Variants in ROCK2 observed in about 807,000 individuals in gnomAD.
ROCK2 encodes the protein Rho associated coiled-coil containing protein kinase 2, also known as rho-associated protein kinase 2.
A neutral mutation model predicts 195.1 loss-of-function variants in ROCK2; 61 were observed. The observed-to-expected ratio is 0.31, with a 90% CI of 0.25 to 0.39. The LOEUF is 0.39. Among genes scored for constraint, ROCK2 ranks in the 10% least tolerant of loss-of-function variants. The probability of loss-of-function intolerance (pLI) is 1.00; values close to 1 mark genes in which losing one functional copy is unlikely to be tolerated. For synonymous variants in ROCK2, 504 were observed against 545.5 expected, an observed-to-expected ratio of 0.92 and a Z score of 1.06; for missense variants, 1,109 against 1,637.4, an observed-to-expected ratio of 0.68 and a Z score of 5.57.
At chr2:11,317,612 A>ATATATTTTTTTT (rs59701503) in intron 1 of ROCK2, among the ~76,000 whole-genome samples, 1 of 19,312 alleles carries the variant, frequency 5.2e-5, no homozygotes, top group Non-Finnish European at 1.0e-4. Flanking sequence ...ATATATATAT[A>ATATATTTTTTTT]TTTTTTTTTT....
intron 1 of ROCK2, among the ~76,000 whole-genome samples, chr2:11,309,450 T>C (rs1667965044): frequency 6.6e-6 from 1 of 152,298 alleles, no homozygotes; most frequent in Non-Finnish European, 1.5e-5. Flanking sequence ...TAATTGAGCT[T>C]ATACACGACT....
chr2:11,308,178 A>G, intron 1 of ROCK2: 1 of 1,596,040 alleles, frequency 6.3e-7, no homozygotes, highest in South Asian at 1.1e-5. Flanking sequence ...TCAACACAAT[A>G]ATTCTGAATT....
intron 1 of ROCK2, among the ~76,000 whole-genome samples, chr2:11,340,535 C>CT (rs1669070624): frequency 6.6e-6 from 1 of 151,986 alleles, no homozygotes; most frequent in African/African-American, 2.4e-5. Flanking sequence ...AAATTTTACA[C>CT]TATAAATGCC....
chr2:11,225,218 T>C (rs1264709295), intron 6 of ROCK2, among the ~76,000 whole-genome samples: 2 of 152,170 alleles, frequency 1.3e-5, no homozygotes, highest in Non-Finnish European at 2.9e-5. Flanking sequence ...AGTATAAAGA[T>C]GGAAAATGTT....
intron 9 of ROCK2, among the ~76,000 whole-genome samples, chr2:11,220,851 C>T (rs771886879): frequency 6.6e-6 from 1 of 152,178 alleles, no homozygotes; most frequent in Non-Finnish European, 1.5e-5. Flanking sequence ...TGAACCATCC[C>T]AGATTCTCTC....
intron 32 of ROCK2, among the ~76,000 whole-genome samples, chr2:11,191,717 G>GA (rs150190806): frequency 0.018 from 2,764 of 152,180 alleles, 56 homozygotes; most frequent in Non-Finnish European, 0.025. Context: ...CAGGTTCTTG[G>GA]AAAGTATGAC....
rs541974249 is a variant in ROCK2, at chr2:11,335,638, C to G, written c.141+8358G>C. Among the ~76,000 whole-genome samples, 12 of 152,144 alleles carry G rather than the reference C, an allele frequency of 7.9e-5. No individual in the cohort carries two copies. In the South Asian group the frequency reaches 2.1e-3, roughly 26 times the overall value. On this transcript the variant is annotated intron_variant, in intron 1 of 32. Transcript: ENST00000315872. Reference sequence around the variant, plus strand: ...TAATCATTAAACCTTTTTTCTCACCCCAATCACCACTCTCCAAATAGAAAG... The same window carrying G: ...TAATCATTAAACCTTTTTTCTCACCGCAATCACCACTCTCCAAATAGAAAG...
chr2:11,216,284 C>T, intron 12 of ROCK2, 78 bp from the exon 13 acceptor site: 22 of 1,032,018 alleles, frequency 2.1e-5, no homozygotes, highest in Non-Finnish European at 3.0e-5. Context: ...AAAGTAATTA[C>T]ATAATTACTT....
intron 1 of ROCK2, among the ~76,000 whole-genome samples, chr2:11,325,721 G>A (rs1025701775): frequency 2.0e-5 from 3 of 152,126 alleles, no homozygotes; most frequent in African/African-American, 7.2e-5. Flanking sequence ...AACAGGGTAA[G>A]TTTACATTTC....
At position 11,197,113 on chromosome 2, in the gene ROCK2, G is replaced by C; in HGVS notation, c.3448+67C>G. 8.6e-7 allele frequency: 1 copy of C among 1,157,346 alleles called. No homozygotes were observed. Among genetic ancestry groups the C allele is most frequent in the Non-Finnish European group, 1.2e-6 (1 of 850,424 alleles). The allele number at this position is 1,157,346 out of a possible 1,614,324, so 71.7% of individuals were successfully genotyped here. On this transcript the variant is annotated intron_variant, in intron 27 of 32. Coordinates refer to ENST00000315872, the MANE Select transcript of ROCK2 (RefSeq NM_004850.5). The surrounding 1 kb of genome is among the most constrained non-coding windows in gnomAD (Gnocchi z 4.9). ...CATTTTTCCTTCAGAGCAGTCAGTC[G>C]CAAGACTTAAAACAATCAACTGATT...
chr2:11,194,893 C>G (rs1317069473), intron 28 of ROCK2, 62 bp downstream of exon 28: 1 of 918,600 alleles, frequency 1.1e-6, no homozygotes, highest in African/African-American at 1.7e-5. Flanking sequence ...CTACAAAAGC[C>G]AAATGACTAG....
chr2:11,215,000 A>T lies in ROCK2; in HGVS notation c.1776T>A (p.Ile592=). The T allele has an allele frequency of 6.2e-7, 1 of 1,614,082 alleles. No individual in the cohort carries two copies. The highest frequency in any genetic ancestry group is 1.3e-5 in the African/African-American group (1 of 75,036). The part of the protein sequence containing the change: ...RKTQAESSKQ[I]QQLESNNRDL... ...CTCTATTGTTAGATTCCAGCTGCTG[A>T]ATCTGTTTTGAACTTTCTGCCTGGG... Residue 592 remains isoleucine (I), a synonymous_variant, in exon 16 of 33, where the codon ATT becomes ATA. Coordinates refer to ENST00000315872, the MANE Select transcript of ROCK2 (RefSeq NM_004850.5).
intron 1 of ROCK2, among the ~76,000 whole-genome samples, chr2:11,343,718 AAGG>A (rs1440202789): frequency 6.6e-6 from 1 of 152,150 alleles, no homozygotes; most frequent in African/African-American, 2.4e-5. Context: ...GGGCAGGCGG[AAGG>A]AGAAGAGGGG....
Position 11,207,727 on chromosome 2 carries a change from T to G in ROCK2, c.2548A>C (p.Lys850Gln). The G allele has an allele frequency of 1.9e-6, 3 of 1,602,256 alleles. No homozygotes were observed. The highest frequency in any genetic ancestry group is 2.6e-6 in the Non-Finnish European group (3 of 1,173,704). ...NLEKQNAELR[K>Q]ERQDADGQMK... ...AAACATCTCAATCAATTAACTTACT[T>G]TCGAAGTTCAGCATTTTGTTTTTCC... Residue 850 changes from lysine (K) to glutamine (Q), a missense_variant and splice_region_variant, in exon 20 of 33, where the codon AAA (lysine) becomes CAA (glutamine). Coordinates refer to ENST00000315872, the MANE Select transcript of ROCK2 (RefSeq NM_004850.5).
intron 1 of ROCK2, among the ~76,000 whole-genome samples, chr2:11,329,879 T>G (rs917460641): frequency 6.6e-6 from 1 of 152,230 alleles, no homozygotes; most frequent in African/African-American, 2.4e-5. Context: ...ATTTTAAATG[T>G]TGCAACCATG....
chr2:11,273,261 T>C lies in ROCK2; in HGVS notation c.324+13278A>G, dbSNP rs149204041. Among the ~76,000 whole-genome samples the C allele has an allele frequency of 1.7e-3, 266 of 152,192 alleles. 2 individuals are homozygous for C. The highest frequency in any genetic ancestry group is 5.3e-3 in the African/African-American group (221 of 41,536). Reference sequence around the variant, plus strand: ...ATTAAAAAAAAGATCCATCTATGCATTGTCCATAAGATAATCACTTTAGAT... The same window carrying C: ...ATTAAAAAAAAGATCCATCTATGCACTGTCCATAAGATAATCACTTTAGAT... On this transcript the variant is annotated intron_variant, in intron 3 of 32. Coordinates refer to ENST00000315872, the MANE Select transcript of ROCK2 (RefSeq NM_004850.5).
chr2:11,188,526 T>C (rs1162448681), intron 32 of ROCK2, among the ~76,000 whole-genome samples: 3 of 152,236 alleles, frequency 2.0e-5, no homozygotes, highest in Non-Finnish European at 4.4e-5. Context: ...CATTTTAATT[T>C]TAATTCAAAA....
At chr2:11,262,224 T>C (rs1260439791) in intron 3 of ROCK2, among the ~76,000 whole-genome samples, 2 of 152,010 alleles carry the variant, frequency 1.3e-5, no homozygotes, top group African/African-American at 2.4e-5. Flanking sequence ...AAAAACACCA[T>C]CTAACTGGCT....
At position 11,221,184 on chromosome 2, in the gene ROCK2, A is replaced by C; in HGVS notation, c.1259+14T>G. On this transcript the variant is annotated intron_variant, in intron 9 of 32. Coordinates refer to ENST00000315872, the MANE Select transcript of ROCK2 (RefSeq NM_004850.5). ...CTAAAAACAGTAAAATTTAACAAAT[A>C]ATAAACCACATACAAATTTTCTCTA... The C allele has an allele frequency of 6.6e-7, 1 of 1,521,390 alleles. No individual in the cohort carries two copies. The highest frequency in any genetic ancestry group is 8.8e-7 in the Non-Finnish European group (1 of 1,140,290). 94.2% of individuals were successfully genotyped at this position (1,521,390 alleles called of 1,614,324 possible).
Sources: allele counts gnomAD v4.1 joint callset (sites outside exome capture counted in the v4.1 genomes callset), GRCh38; gene constraint gnomAD v4.1.1; non-coding constraint Gnocchi (gnomAD v3.1); transcripts MANE v1.5; gene names NCBI Gene and HGNC (gene_info 2026-07-23, HGNC 2026-07-21).